RABGAP1L: variants seen among roughly 807,000 people sequenced by gnomAD.
RABGAP1L encodes the protein rab GTPase-activating protein 1-like.
Under a neutral mutation model 137.7 loss-of-function variants are expected in RABGAP1L, and 63 were observed. The observed-to-expected ratio is 0.46, with a 90% CI of 0.37 to 0.56. The LOEUF (loss-of-function observed/expected upper bound fraction) is 0.56. Ranked by LOEUF, RABGAP1L falls within the 20% of genes least tolerant of loss-of-function variation. The probability of loss-of-function intolerance (pLI) is 0.00; values close to 1 mark genes in which losing one functional copy is unlikely to be tolerated. For missense variants in RABGAP1L, 1,095 were observed against 1,244.0 expected, an observed-to-expected ratio of 0.88 and a Z score of 1.80; for synonymous variants, 431 against 433.7, an observed-to-expected ratio of 0.99 and a Z score of 0.08.
chr1:174,773,925 T>G (rs957256618), intron 18 of RABGAP1L, among the ~76,000 whole-genome samples: 1 of 152,224 alleles, frequency 6.6e-6, no homozygotes, highest in African/African-American at 2.4e-5. Flanking sequence ...CTGCCCAATA[T>G]GTTTTTATGA....
At chr1:174,633,673 T>G (rs1357377025) in intron 13 of RABGAP1L, among the ~76,000 whole-genome samples, 1 of 120,768 alleles carries the variant, frequency 8.3e-6, no homozygotes, top group Non-Finnish European at 1.6e-5. Context: ...ATGGTAGTGG[T>G]ACCAAAACAG....
At chr1:174,764,436 A>G (rs1045042903) in intron 18 of RABGAP1L, among the ~76,000 whole-genome samples, 3 of 152,196 alleles carry the variant, frequency 2.0e-5, no homozygotes, top group African/African-American at 7.2e-5. Flanking sequence ...ACGTATAAGT[A>G]TGTTGTAAGG....
intron 19 of RABGAP1L, among the ~76,000 whole-genome samples, chr1:174,910,317 T>G (rs1257465935): frequency 6.6e-6 from 1 of 152,166 alleles, no homozygotes; most frequent in East Asian, 1.9e-4. Context: ...AAAAAGCATT[T>G]GGTAAAATTC....
intron 14 of RABGAP1L, among the ~76,000 whole-genome samples, chr1:174,678,197 A>G (rs1392604687): frequency 2.0e-5 from 3 of 152,228 alleles, no homozygotes; most frequent in South Asian, 2.1e-4. Context: ...AAACAAAAAG[A>G]AAATGAAAAT....
intron 14 of RABGAP1L, among the ~76,000 whole-genome samples, chr1:174,659,105 A>C (rs1316500595): frequency 6.6e-6 from 1 of 152,186 alleles, no homozygotes; most frequent in Non-Finnish European, 1.5e-5. Flanking sequence ...TTTCCTTGAC[A>C]TCAGCCAGTC....
chr1:174,228,344 C>G (rs754571854), intron 3 of RABGAP1L, among the ~76,000 whole-genome samples: 1 of 151,752 alleles, frequency 6.6e-6, no homozygotes, highest in African/African-American at 2.4e-5. Flanking sequence ...TTTGTTGTTC[C>G]TCACTGGTTC....
chr1:174,321,988 A>T (rs1349495385), intron 11 of RABGAP1L, among the ~76,000 whole-genome samples: 1 of 151,836 alleles, frequency 6.6e-6, no homozygotes, highest in South Asian at 2.1e-4. Context: ...ATATTAGACA[A>T]TTTTTTTATC....
chr1:174,334,257 G>A (rs1399976060), intron 11 of RABGAP1L, among the ~76,000 whole-genome samples: 1 of 152,186 alleles, frequency 6.6e-6, no homozygotes, highest in Non-Finnish European at 1.5e-5. Context: ...TAGGCTCCAA[G>A]TATAGGAATT....
intron 18 of RABGAP1L, among the ~76,000 whole-genome samples, chr1:174,802,300 C>T (rs1042011190): frequency 3.3e-5 from 5 of 152,094 alleles, no homozygotes; most frequent in Admixed American, 1.3e-4. Flanking sequence ...ATGCCACCTG[C>T]ATTATGTGTG....
intron 17 of RABGAP1L, among the ~76,000 whole-genome samples, chr1:174,739,605 C>G (rs1217333014): frequency 6.6e-6 from 1 of 152,182 alleles, no homozygotes; most frequent in African/African-American, 2.4e-5. Flanking sequence ...TCTCCTGCCT[C>G]TGTGTGTTAT....
At chr1:174,547,748 T>C in intron 13 of RABGAP1L, 2 of 1,124,758 alleles carry the variant, frequency 1.8e-6, no homozygotes, top group South Asian at 3.1e-5. Flanking sequence ...ATGGAGTCAT[T>C]GTATTTGTAT....
intron 1 of RABGAP1L, among the ~76,000 whole-genome samples, chr1:174,186,706 T>G (rs1235336232): frequency 1.3e-5 from 2 of 152,216 alleles, no homozygotes; most frequent in African/African-American, 2.4e-5. Flanking sequence ...TGTGATCAGA[T>G]CTAGTAAATG....
At chr1:174,254,653 C>A (rs1672971775) in intron 7 of RABGAP1L, among the ~76,000 whole-genome samples, 1 of 152,136 alleles carries the variant, frequency 6.6e-6, no homozygotes, top group African/African-American at 2.4e-5. Flanking sequence ...TATGTCCCTG[C>A]AAAGGACATG....
At chr1:174,685,710 T>C (rs977985590) in intron 15 of RABGAP1L, among the ~76,000 whole-genome samples, 4 of 151,898 alleles carry the variant, frequency 2.6e-5, no homozygotes, top group Admixed American at 2.0e-4. Context: ...ATTACAGGCA[T>C]GCGCCACCAC....
intron 1 of RABGAP1L, among the ~76,000 whole-genome samples, chr1:174,195,574 ATTCTTTCTTTCTTTCT>A (rs201213056): frequency 1.7e-4 from 13 of 74,566 alleles, no homozygotes; most frequent in East Asian, 6.2e-4. Flanking sequence ...TTCTTAATCA[ATTCTTTCTTTCTTTCT>A]TTCTTTCTTT....
At chr1:174,462,074 A>G (rs920551885) in intron 13 of RABGAP1L, among the ~76,000 whole-genome samples, 5 of 152,114 alleles carry the variant, frequency 3.3e-5, no homozygotes, top group Admixed American at 3.3e-4. Flanking sequence ...CTTGGTCTTG[A>G]ACCATTCTTG....
chr1:174,410,210 C>G (rs892122060), intron 13 of RABGAP1L, among the ~76,000 whole-genome samples: 6 of 152,136 alleles, frequency 3.9e-5, no homozygotes, highest in African/African-American at 1.4e-4. Context: ...CTTTATTTCT[C>G]AGACTGGCCG....
intron 14 of RABGAP1L, among the ~76,000 whole-genome samples, chr1:174,647,356 G>A (rs1296166103): frequency 6.6e-6 from 1 of 152,054 alleles, no homozygotes; most frequent in East Asian, 1.9e-4. Flanking sequence ...GTCATAAATA[G>A]CTCTTATTAT....
At chr1:174,571,261 A>T (rs1258461069) in intron 13 of RABGAP1L, among the ~76,000 whole-genome samples, 1 of 152,140 alleles carries the variant, frequency 6.6e-6, no homozygotes, top group East Asian at 1.9e-4. Context: ...GATAGTTACC[A>T]GAGGCTGGGA....
Sources: allele counts gnomAD v4.1 joint callset (sites outside exome capture counted in the v4.1 genomes callset), GRCh38; gene constraint gnomAD v4.1.1; transcripts MANE v1.5; gene names NCBI Gene and HGNC (gene_info 2026-07-23, HGNC 2026-07-21).